SHMT1: variants seen among roughly 807,000 people sequenced by gnomAD.
SHMT1 encodes serine hydroxymethyltransferase, cytosolic.
A neutral mutation model predicts 49.0 loss-of-function variants in SHMT1; 45 were observed. That is an observed-to-expected ratio of 0.92 (90% CI 0.72 to 1.18). The LOEUF (loss-of-function observed/expected upper bound fraction) is 1.18, where lower values mean the gene tolerates loss of function less well. Ranked by LOEUF, SHMT1 falls within the 50% of genes most tolerant of loss-of-function variation. SHMT1 has a pLI of 0.00. For missense variants in SHMT1, 541 were observed against 612.4 expected (o/e 0.88, Z 1.23); for synonymous variants, 232 against 246.6 (o/e 0.94, Z 0.55).
In SHMT1 at chr17:18,361,055, A is replaced by G. The variant is rs916074124; in HGVS notation, c.-20+2317T>C. On this transcript the variant is annotated intron_variant, in intron 1 of 11. Transcript: ENST00000316694. The stretch of plus-strand genomic sequence containing the variant: ...CGCAGTGGCTCAATTCCTGTAATCC[A>G]AGCACTTTGGGAGGCCAAGGCGGGT... Among the ~76,000 whole-genome samples, 27 of 151,038 alleles carry G rather than the reference A, an allele frequency of 1.8e-4. 1 individual carries two copies. The highest frequency in any genetic ancestry group is 4.4e-5 in the Non-Finnish European group (3 of 67,716).
rs749042506 is a variant in SHMT1 at position 18,347,670 on chromosome 17, A to T, written c.359-14T>A. The T allele has an allele frequency of 3.0e-5, 49 of 1,613,930 alleles. No homozygotes were observed. The highest frequency in any genetic ancestry group is 4.1e-5 in the Non-Finnish European group (48 of 1,179,982). ...TTGCAGGGGAGCCTGAAACGAGTGG[A>T]CCAGAGGAGACATGATTATTTCTAA... On this transcript the variant is annotated splice_polypyrimidine_tract_variant and intron_variant, in intron 4 of 11. Coordinates refer to ENST00000316694, the MANE Select transcript of SHMT1 (RefSeq NM_004169.5).
At position 18,359,944 on chromosome 17, in the gene SHMT1, TA is replaced by T. The variant is rs751992047; in HGVS notation, c.-20+3427del. Among the ~76,000 whole-genome samples the T allele has an allele frequency of 6.1e-3, 780 of 127,642 alleles. 3 individuals carry two copies. The highest frequency in any genetic ancestry group is 0.014 in the Middle Eastern group (3 of 212). 83.7% of individuals were successfully genotyped at this position (127,642 alleles called of 152,430 possible). Reference sequence around the variant, plus strand: ...CTGGCAACAAAGCAAGACTCTATCTTAAAAAAAAAAAAAAATTATTTGGCCA... The same window carrying T: ...CTGGCAACAAAGCAAGACTCTATCTTAAAAAAAAAAAAAATTATTTGGCCA... On this transcript the variant is annotated intron_variant, in intron 1 of 11. Coordinates refer to ENST00000316694, the MANE Select transcript of SHMT1 (RefSeq NM_004169.5).
intron 5 of SHMT1, among the ~76,000 whole-genome samples, chr17:18,346,776 AT>A (rs1332670024): frequency 1.3e-5 from 2 of 152,234 alleles, no homozygotes; most frequent in Non-Finnish European, 2.9e-5. Context: ...ACTGGGCAAG[AT>A]AGTCAAACAC....
In SHMT1 at chr17:18,342,402, T is replaced by C. The variant is rs8074369; in HGVS notation, c.520-1589A>G. On this transcript the variant is annotated intron_variant, in intron 5 of 11. Transcript: ENST00000316694. ...TGCCATCTCGGCTCATTGCAACCTC[T>C]ACCTCCCAGGCTCAAGCGATTCTCC... Among the ~76,000 whole-genome samples, 791 of 152,016 alleles carry C rather than the reference T, an allele frequency of 5.2e-3. 7 individuals are homozygous for C. Among genetic ancestry groups the C allele is most frequent in the African/African-American group, 0.019 (769 of 41,488 alleles).
intron 5 of SHMT1, among the ~76,000 whole-genome samples, chr17:18,342,145 G>T (rs2151582107): frequency 6.6e-6 from 1 of 152,234 alleles, no homozygotes; most frequent in Middle Eastern, 3.4e-3. Context: ...ATGGAATAAA[G>T]CCATGTCCAT....
intron 4 of SHMT1, among the ~76,000 whole-genome samples, chr17:18,347,941 G>T (rs528327583): frequency 2.7e-5 from 4 of 149,062 alleles, no homozygotes; most frequent in African/African-American, 9.9e-5. Flanking sequence ...TTTTGAGATG[G>T]AGTTTCGCTC....
In SHMT1 at chr17:18,340,602, C is replaced by T. The variant is rs1567778542; in HGVS notation, c.601+130G>A. On this transcript the variant is annotated intron_variant, in intron 6 of 11. Transcript: ENST00000316694. The surrounding 1 kb of genome is among the most constrained non-coding windows in gnomAD (Gnocchi z 4.5). The stretch of plus-strand genomic sequence containing the variant: ...CTGAAAGAAACTAATATATGTAGAC[C>T]CCAGAAACTCAGTTATCCAGGGCAG... 2.5e-6 allele frequency: 2 copies of T among 805,868 alleles called. No individual in the cohort carries two copies. The highest frequency in any genetic ancestry group is 4.2e-6 in the Non-Finnish European group (2 of 471,754). 49.9% of individuals were successfully genotyped at this position (805,868 alleles called of 1,614,324 possible).
chr17:18,328,904 A>G lies in SHMT1; in HGVS notation c.1298T>C (p.Leu433Pro), dbSNP rs1199671859. 1 of 1,613,900 alleles carries G rather than the reference A, an allele frequency of 6.2e-7. No individual in the cohort carries two copies. ...HFIHRGIELT[L>P]QIQSDTGVRA... is the part of the protein sequence containing the mutation. ...GACACCAGTGTCGCTCTGGATCTGC[A>G]GGGTCAGCTCTATCCCTGTGCCACA... The change falls in exon 12 of 12, where the codon CTG becomes CCG. Residue 433 changes from leucine to proline, a missense_variant. Transcript: ENST00000316694.
rs1982741289 is a variant in SHMT1 at position 18,327,925 on chromosome 17, ATTGG to A, written c.*821_*824del. 6.6e-6 allele frequency: 1 copy of A among 152,642 alleles called. No homozygotes were observed. The highest frequency in any genetic ancestry group is 1.5e-5 in the Non-Finnish European group (1 of 68,048). The allele number at this position is 152,642 out of a possible 1,614,324, so 9.5% of individuals were successfully genotyped here. The stretch of plus-strand genomic sequence containing the variant: ...GTTCAAATATTTTTGAAATATAAAA[ATTGG>A]TTGTATTTTTTAAAGCTATAATTCT... On this transcript the variant is annotated 3_prime_UTR_variant, in exon 12 of 12. Transcript: ENST00000316694.
chr17:18,328,807 C>A lies in SHMT1; in HGVS notation c.1395G>T (p.Arg465=). The A allele has an allele frequency of 6.2e-7, 1 of 1,608,792 alleles. No homozygotes were observed. The highest frequency in any genetic ancestry group is 1.7e-5 in the Admixed American group (1 of 59,498). ...GAGAGGCGAAGCTCTCAACCTCCTC[C>A]CGGAGAGCCTGCACGGCCGCCTGGT... is the stretch of plus-strand genomic sequence containing the variant. ...DKYQAAVQAL[R]EEVESFASLF... is the part of the protein sequence containing the mutation. The change falls in exon 12 of 12, where the codon CGG becomes CGT. Residue 465 remains arginine, a synonymous_variant. Transcript: ENST00000316694.
Position 18,347,634 on chromosome 17 carries a change from C to G in SHMT1, c.381G>C (p.Val127=). Residue 127 remains valine (V), a synonymous_variant, in exon 5 of 12, where the codon GTG becomes GTC. Transcript: ENST00000316694. ...CATGGGGTTCCACCAGGGCAGTGTA[C>G]ACAGCAAAGTTTGCAGGGGAGCCTG... The part of the protein sequence containing the change: ...PYSGSPANFA[V]YTALVEPHGR... 1 of 1,614,156 alleles carries G rather than the reference C, an allele frequency of 6.2e-7. No homozygotes were observed. Among genetic ancestry groups the G allele is most frequent in the Middle Eastern group, 1.6e-4 (1 of 6,062 alleles).
chr17:18,337,786 C>A (rs979072934), intron 7 of SHMT1, among the ~76,000 whole-genome samples: 2 of 152,242 alleles, frequency 1.3e-5, no homozygotes, highest in African/African-American at 4.8e-5. Flanking sequence ...GTTGGCCGGG[C>A]TGGTCTCCAG....
chr17:18,348,111 G>T (rs1277720161), intron 4 of SHMT1: 5 of 557,240 alleles, frequency 9.0e-6, no homozygotes, highest in Non-Finnish European at 1.6e-5. Flanking sequence ...GTGGAGACCG[G>T]GTTTCTCCAT....
chr17:18,340,825 C>T lies in SHMT1; in HGVS notation c.520-12G>A. On this transcript the variant is annotated splice_polypyrimidine_tract_variant and intron_variant, in intron 5 of 11. Transcript: ENST00000316694. The surrounding 1 kb of genome is among the most constrained non-coding windows in gnomAD (Gnocchi z 4.5). ...GTATCTGGGTTCACCTGTGGAATGT[C>T]AGGGAGGCAGGTTCAGGCTGCTTCC... 6.2e-7 allele frequency: 1 copy of T among 1,609,804 alleles called. No individual in the cohort carries two copies.
rs1267179535 is a variant in SHMT1 at position 18,340,235 on chromosome 17, T to G, written c.622A>C (p.Asn208His). ...TTCCGTAGCCGGGCATATTCCAGGT[T>G]TCGGGAGTAGCAGCTGGTTCCTGAG... The part of the protein sequence containing the change: ...IIAGTSCYSR[N>H]LEYARLRKIA... The change falls in exon 7 of 12, where the codon AAC (asparagine) becomes CAC (histidine). Residue 208 changes from asparagine to histidine, a missense_variant. Coordinates refer to ENST00000316694, the MANE Select transcript of SHMT1 (RefSeq NM_004169.5). The surrounding 1 kb of genome is among the most constrained non-coding windows in gnomAD (Gnocchi z 4.5). 5 of 1,614,124 alleles carry G rather than the reference T, an allele frequency of 3.1e-6. No individual in the cohort carries two copies. The highest frequency in any genetic ancestry group is 3.4e-6 in the Non-Finnish European group (4 of 1,179,972).
At chr17:18,361,298 C>CAAAAA (rs57119291) in intron 1 of SHMT1, among the ~76,000 whole-genome samples, 8 of 97,858 alleles carry the variant, frequency 8.2e-5, no homozygotes, top group Non-Finnish European at 1.2e-4. Context: ...GACTCTGTCT[C>CAAAAA]AAAAAAAAAA....
intron 3 of SHMT1, among the ~76,000 whole-genome samples, chr17:18,351,236 GTTCACACCATTCTCC>G (rs957993027): frequency 5.9e-5 from 9 of 151,698 alleles, no homozygotes; most frequent in African/African-American, 2.2e-4. Flanking sequence ...CACCTCCCAG[GTTCACACCATTCTCC>G]TGCCTTAGCC....
At chr17:18,333,345 G>A (rs1162729487) in intron 8 of SHMT1, 57 bp from the exon 9 acceptor site, 4 of 1,568,876 alleles carry the variant, frequency 2.5e-6, no homozygotes, top group East Asian at 2.2e-5. Flanking sequence ...CACAGATGAT[G>A]AGTCAAACAA....
At chr17:18,333,418 T>G (rs1983451462) in intron 8 of SHMT1, 130 bp from the exon 9 acceptor site, 4 of 603,112 alleles carry the variant, frequency 6.6e-6, no homozygotes, top group Non-Finnish European at 1.0e-5. Flanking sequence ...TGCGTTGGAT[T>G]ATCTTTTCCT....
Sources: gnomAD v4.1 joint callset for allele counts (sites outside exome capture counted in the v4.1 genomes callset) on GRCh38, gnomAD v4.1.1 for gene constraint, Gnocchi (gnomAD v3.1) non-coding constraint, MANE v1.5 for transcripts, NCBI Gene and HGNC (gene_info 2026-07-23, HGNC 2026-07-21) for gene names.